KCNC2: variants seen among roughly 807,000 people sequenced by gnomAD.
The protein encoded by KCNC2 is potassium voltage-gated channel subfamily C member 2.
A neutral mutation model predicts 44.5 loss-of-function variants in KCNC2; 21 were observed. The ratio of observed to expected loss-of-function variants is 0.47; its 90% confidence interval spans 0.33 to 0.68. The LOEUF (loss-of-function observed/expected upper bound fraction) is 0.68. Ranked by LOEUF, KCNC2 falls within the 30% of genes least tolerant of loss-of-function variation. The pLI, the probability that KCNC2 is intolerant of heterozygous loss-of-function variation, is 0.01. For missense variants in KCNC2, 589 were observed against 826.2 expected (o/e 0.71, Z 3.52); for synonymous variants, 391 against 339.1 (o/e 1.15, Z -1.68).
chr12:75,048,284 G>A lies in KCNC2; in HGVS notation c.1649C>T (p.Pro550Leu), dbSNP rs142936560. 4.8e-5 allele frequency: 77 copies of A among 1,612,386 alleles called. No individual in the cohort carries two copies. In the African/African-American group the frequency reaches 7.8e-4, roughly 16 times the overall value. Reference sequence around the variant, plus strand: ...GAGCCTTTCTGGGGGTGATAGTGGCGGCTCACTTCCTGTACTGTCGTCACC... The same window carrying A: ...GAGCCTTTCTGGGGGTGATAGTGGCAGCTCACTTCCTGTACTGTCGTCACC... ...LSGDDSTGSE[P>L]PLSPPERLPI... is the part of the protein sequence containing the mutation. The change falls in exon 4 of 5, where the codon CCG (proline) becomes CTG (leucine). Residue 550 changes from proline (P) to leucine (L), a missense_variant. By Grantham distance (98) the Pro-to-Leu change is moderately conservative. Coordinates refer to ENST00000549446, the MANE Select transcript of KCNC2 (RefSeq NM_139137.4).
At chr12:75,170,861 C>T (rs1170180661) in intron 2 of KCNC2, among the ~76,000 whole-genome samples, 1 of 151,818 alleles carries the variant, frequency 6.6e-6, no homozygotes, top group Non-Finnish European at 1.5e-5. Context: ...TCTCACAAGG[C>T]TGTATCAAGA....
intron 2 of KCNC2, among the ~76,000 whole-genome samples, chr12:75,087,453 C>A (rs1052777899): frequency 2.0e-5 from 3 of 152,030 alleles, no homozygotes; most frequent in African/African-American, 4.8e-5. Context: ...AGCAATTATT[C>A]CTATGCTTGG....
At chr12:75,163,116 T>C (rs1891225492) in intron 2 of KCNC2, among the ~76,000 whole-genome samples, 1 of 151,756 alleles carries the variant, frequency 6.6e-6, no homozygotes, top group Non-Finnish European at 1.5e-5. Context: ...AGGCCAGTAA[T>C]ACCGCTTCCC....
chr12:75,062,060 T>C (rs1264660132), intron 2 of KCNC2, among the ~76,000 whole-genome samples: 1 of 152,088 alleles, frequency 6.6e-6, no homozygotes, highest in Admixed American at 6.6e-5. Context: ...CACTAATAGA[T>C]AAAATTCAGT....
chr12:75,191,522 T>TTAC lies in KCNC2; in HGVS notation c.687+15774_687+15775insGTA, dbSNP rs1303607215. The stretch of plus-strand genomic sequence containing the variant: ...CTGAATATTATTATTATTATTATTA[T>TTAC]TATTATTTTTTTTTTTTTTTTTTTT... On this transcript the variant is annotated intron_variant, in intron 2 of 4. Transcript: ENST00000549446. Among the ~76,000 whole-genome samples, 12 of 49,702 alleles carry TTAC rather than the reference T, an allele frequency of 2.4e-4. 1 individual carries two copies. The highest frequency in any genetic ancestry group is 2.3e-3 in the Admixed American group (8 of 3,546). The allele number at this position is 49,702 out of a possible 152,430, so 32.6% of individuals were successfully genotyped here.
intron 2 of KCNC2, among the ~76,000 whole-genome samples, chr12:75,100,215 C>T (rs1464201234): frequency 1.3e-5 from 2 of 152,004 alleles, no homozygotes; most frequent in African/African-American, 4.8e-5. Flanking sequence ...TGGGGTTCTT[C>T]TTATTGTGTA....
At chr12:75,096,438 T>A (rs1265547657) in intron 2 of KCNC2, among the ~76,000 whole-genome samples, 8 of 152,012 alleles carry the variant, frequency 5.3e-5, no homozygotes, top group African/African-American at 1.4e-4. Context: ...ATAACATTTT[T>A]AAAAAATACT....
intron 2 of KCNC2, among the ~76,000 whole-genome samples, chr12:75,147,400 T>A (rs1890098392): frequency 6.6e-6 from 1 of 152,152 alleles, no homozygotes; most frequent in African/African-American, 2.4e-5. Context: ...TTTCTTACCA[T>A]CATATTCACA....
intron 2 of KCNC2, among the ~76,000 whole-genome samples, chr12:75,197,688 G>A (rs1333877202): frequency 6.6e-6 from 1 of 151,940 alleles, no homozygotes; most frequent in Non-Finnish European, 1.5e-5. Context: ...TAGAAACTCT[G>A]ATGCTTTTTT....
At chr12:75,122,250 G>A (rs1367261043) in intron 2 of KCNC2, among the ~76,000 whole-genome samples, 1 of 152,174 alleles carries the variant, frequency 6.6e-6, no homozygotes, top group East Asian at 1.9e-4. Flanking sequence ...TACCAGGCAT[G>A]ACAGGAGGTA....
chr12:75,144,027 G>A (rs1889842780), intron 2 of KCNC2, among the ~76,000 whole-genome samples: 1 of 152,094 alleles, frequency 6.6e-6, no homozygotes, highest in African/African-American at 2.4e-5. Context: ...CATTCATGGT[G>A]AACATCCATT....
chr12:75,168,913 G>T (rs1891633244), intron 2 of KCNC2, among the ~76,000 whole-genome samples: 1 of 151,442 alleles, frequency 6.6e-6, no homozygotes, highest in Non-Finnish European at 1.5e-5. Context: ...CCATAGCTAT[G>T]ATTATTTACA....
Position 75,207,893 on chromosome 12 carries a change from C to T in KCNC2, c.91G>A (p.Gly31Arg). The T allele has an allele frequency of 6.2e-7, 1 of 1,612,756 alleles. No individual in the cohort carries two copies. Among genetic ancestry groups the T allele is most frequent in the Non-Finnish European group, 8.5e-7 (1 of 1,179,900 alleles). Reference protein sequence around the residue: ...TYRSTLKTLPGTRLALLASSE... With the variant: ...TYRSTLKTLPRTRLALLASSE... The stretch of plus-strand genomic sequence containing the variant: ...GAGGCAAGAAGGGCCAGGCGTGTTC[C>T]AGGCAGGGTCTTGAGGGTGCTGCGG... Residue 31 changes from glycine to arginine, a missense_variant, in exon 2 of 5, where the codon GGA becomes AGA. Physicochemically the swap from Gly to Arg is moderately radical, Grantham distance 125 (BLOSUM62 -2). This residue lies in a region of KCNC2 where 148 missense variants were observed against 140.1 expected (regional missense o/e 1.06). Coordinates refer to ENST00000549446, the MANE Select transcript of KCNC2 (RefSeq NM_139137.4). This position sits in a 1 kb window ranked among gnomAD's most constrained non-coding sequence, Gnocchi z 4.1.
At chr12:75,141,178 T>C (rs1889626309) in intron 2 of KCNC2, among the ~76,000 whole-genome samples, 1 of 152,188 alleles carries the variant, frequency 6.6e-6, no homozygotes, top group African/African-American at 2.4e-5. Flanking sequence ...TTTTCTAACC[T>C]GTCCCTCAAA....
intron 2 of KCNC2, among the ~76,000 whole-genome samples, chr12:75,175,253 T>TA (rs1376587216): frequency 2.0e-5 from 3 of 151,856 alleles, no homozygotes; most frequent in Admixed American, 6.6e-5. Context: ...CTGCTTTATC[T>TA]AAAAAAAATT....
At chr12:75,169,741 T>C (rs1490940912) in intron 2 of KCNC2, among the ~76,000 whole-genome samples, 3 of 151,580 alleles carry the variant, frequency 2.0e-5, no homozygotes, top group Admixed American at 6.6e-5. Flanking sequence ...AGGGGGAAAA[T>C]AGACTCAGAG....
intron 2 of KCNC2, among the ~76,000 whole-genome samples, chr12:75,139,265 G>C (rs957272537): frequency 6.6e-6 from 1 of 152,122 alleles, no homozygotes; most frequent in Admixed American, 6.5e-5. Flanking sequence ...CAAGCATCCA[G>C]CTTGGCCCAG....
chr12:75,065,110 T>A (rs921181985), intron 2 of KCNC2, among the ~76,000 whole-genome samples: 4 of 152,060 alleles, frequency 2.6e-5, no homozygotes, highest in African/African-American at 9.6e-5. Context: ...TGGTCCATAA[T>A]CTTTATTTAC....
At chr12:75,092,899 T>C (rs1310270040) in intron 2 of KCNC2, among the ~76,000 whole-genome samples, 2 of 151,632 alleles carry the variant, frequency 1.3e-5, no homozygotes, top group Non-Finnish European at 3.0e-5. Flanking sequence ...TATATTGCAG[T>C]AGAAGTCATT....
Sources: allele counts gnomAD v4.1 joint callset (sites outside exome capture counted in the v4.1 genomes callset), GRCh38; gene constraint gnomAD v4.1.1; regional missense constraint gnomAD v4.1.1; non-coding constraint Gnocchi (gnomAD v3.1); transcripts MANE v1.5; gene names NCBI Gene and HGNC (gene_info 2026-07-23, HGNC 2026-07-21).